SOX5: variants seen among roughly 807,000 people sequenced by gnomAD.
The protein encoded by SOX5 is transcription factor SOX-5.
In SOX5, 9 loss-of-function variants were observed where a neutral mutation model predicts 92.0. That is an observed-to-expected ratio of 0.10 (90% confidence interval 0.06 to 0.17). SOX5 has a LOEUF of 0.17. Ranked by LOEUF, SOX5 falls within the 10% of genes least tolerant of loss-of-function variation. The pLI, the probability that SOX5 is intolerant of heterozygous loss-of-function variation, is 1.00. For synonymous variants in SOX5, 344 were observed against 336.3 expected, an observed-to-expected ratio of 1.02 and a Z score of -0.25; for missense variants, 642 against 944.5, an observed-to-expected ratio of 0.68 and a Z score of 4.20.
chr12:23,741,035 A>G lies in SOX5; in HGVS notation c.573T>C (p.Thr191=). ...TTTCTTTCTCAGCTAAGCTCTCGGG[A>G]GTCCCTACAAATCATATAGCAATAA... ...GSGNFGEIKG[T]PESLAEKERQ... The change falls in exon 5 of 15, where the codon ACT becomes ACC. Residue 191 remains threonine (T), a synonymous_variant. Transcript: ENST00000451604. 6.3e-7 allele frequency: 1 copy of G among 1,589,348 alleles called. No individual in the cohort carries two copies. The highest frequency in any genetic ancestry group is 8.6e-7 in the Non-Finnish European group (1 of 1,165,420).
chr12:23,784,999 T>A (rs190723284), intron 3 of SOX5, among the ~76,000 whole-genome samples: 2 of 152,306 alleles, frequency 1.3e-5, no homozygotes, highest in East Asian at 3.9e-4. Flanking sequence ...GGAGGGCCAC[T>A]TGAGCCTGGG....
chr12:23,803,010 T>C (rs966765141), intron 3 of SOX5, among the ~76,000 whole-genome samples: 1 of 152,190 alleles, frequency 6.6e-6, no homozygotes, highest in Non-Finnish European at 1.5e-5. Context: ...GAAATTATTA[T>C]TTCCTTGTTT....
chr12:24,008,450 T>C (rs1952560717), intron 4 of SOX5, among the ~76,000 whole-genome samples: 1 of 152,090 alleles, frequency 6.6e-6, no homozygotes, highest in Admixed American at 6.6e-5. Context: ...GTCAGTGGAA[T>C]TCAATTACCA....
At chr12:23,755,333 T>C (rs1418801271) in intron 4 of SOX5, among the ~76,000 whole-genome samples, 1 of 151,788 alleles carries the variant, frequency 6.6e-6, no homozygotes, top group Non-Finnish European at 1.5e-5. Flanking sequence ...ACATTCTTAC[T>C]TATAAAATAA....
intron 8 of SOX5, among the ~76,000 whole-genome samples, chr12:23,614,080 C>G (rs2076274245): frequency 6.6e-6 from 1 of 152,130 alleles, no homozygotes; most frequent in South Asian, 2.1e-4. Context: ...CCTAAATAGG[C>G]TCATCATCTT....
At position 23,967,964 on chromosome 12, in the gene SOX5, C is replaced by T. The variant is rs567743439; in HGVS notation, c.-1-71940G>A. Among the ~76,000 whole-genome samples the T allele has an allele frequency of 5.6e-4, 85 of 152,294 alleles. 1 individual carries two copies. The highest frequency in any genetic ancestry group is 1.6e-3 in the Admixed American group (25 of 15,294). On this transcript the variant is annotated intron_variant, in intron 4 of 4. Transcript: ENST00000446891. ...TAAATGCTTACTAAGTAGCAAAGCT[C>T]TATTACAAAGCACTTTGAATGCAGT...
At chr12:24,364,579 T>C (rs1955976679) in intron 2 of SOX5, among the ~76,000 whole-genome samples, 4 of 147,326 alleles carry the variant, frequency 2.7e-5, no homozygotes, top group Admixed American at 2.0e-4. Flanking sequence ...TTTACATAAG[T>C]GAGAAATTCA....
intron 4 of SOX5, among the ~76,000 whole-genome samples, chr12:24,100,528 C>G (rs1411222887): frequency 1.3e-5 from 2 of 151,994 alleles, no homozygotes; most frequent in Non-Finnish European, 2.9e-5. Context: ...AGGTGATTGC[C>G]TCAAATTGTT....
intron 8 of SOX5, among the ~76,000 whole-genome samples, chr12:23,609,162 A>G (rs1196544856): frequency 6.6e-6 from 1 of 152,192 alleles, no homozygotes; most frequent in East Asian, 1.9e-4. Flanking sequence ...AGGGAAATAT[A>G]GAGATTGGTG....
At chr12:24,384,105 C>A (rs1226418572) in intron 1 of SOX5, among the ~76,000 whole-genome samples, 2 of 152,172 alleles carry the variant, frequency 1.3e-5, no homozygotes, top group African/African-American at 4.8e-5. Flanking sequence ...GCCTCTCCAG[C>A]CATGCAGAGC....
At chr12:23,691,589 A>G (rs1162811799) in intron 6 of SOX5, among the ~76,000 whole-genome samples, 1 of 152,150 alleles carries the variant, frequency 6.6e-6, no homozygotes, top group Admixed American at 6.5e-5. Context: ...CACTTTTCTA[A>G]TTGAACAGTT....
intron 3 of SOX5, among the ~76,000 whole-genome samples, chr12:23,822,298 T>A (rs1340379636): frequency 6.6e-6 from 1 of 152,220 alleles, no homozygotes; most frequent in East Asian, 1.9e-4. Context: ...GCTTTAGCTG[T>A]GTCCCAGAGA....
chr12:23,973,679 C>T (rs1333523038), intron 4 of SOX5, among the ~76,000 whole-genome samples: 1 of 152,122 alleles, frequency 6.6e-6, no homozygotes, highest in South Asian at 2.1e-4. Context: ...ACCAGGGGTC[C>T]CCAGTCTCCA....
intron 4 of SOX5, among the ~76,000 whole-genome samples, chr12:24,093,758 A>G (rs1416089355): frequency 6.7e-6 from 1 of 149,370 alleles, no homozygotes; most frequent in African/African-American, 2.5e-5. Flanking sequence ...GGGAGCTGAT[A>G]TGCTGGTCCT....
At chr12:24,338,716 T>C (rs1952199862) in intron 2 of SOX5, among the ~76,000 whole-genome samples, 3 of 152,146 alleles carry the variant, frequency 2.0e-5, no homozygotes, top group Admixed American at 1.3e-4. Context: ...TTCCCTGTGC[T>C]GTTCTCCTGA....
At chr12:23,979,935 A>AGACG (rs1949396434) in intron 4 of SOX5, among the ~76,000 whole-genome samples, 1 of 129,174 alleles carries the variant, frequency 7.7e-6, no homozygotes, top group Non-Finnish European at 1.7e-5. Flanking sequence ...ACAGACAGAC[A>AGACG]GATAGATAGA....
chr12:24,244,221 C>A (rs897723915), intron 3 of SOX5, among the ~76,000 whole-genome samples: 1 of 152,052 alleles, frequency 6.6e-6, no homozygotes, highest in African/African-American at 2.4e-5. Context: ...AGAGTAGATC[C>A]GCTTAAACAA....
intron 6 of SOX5, among the ~76,000 whole-genome samples, chr12:23,673,846 T>C (rs1159192845): frequency 2.0e-5 from 3 of 152,106 alleles, no homozygotes; most frequent in Non-Finnish European, 4.4e-5. Context: ...GTAGTGATGG[T>C]TGCAAACCAT....
chr12:23,907,597 G>A (rs569513544), intron 1 of SOX5, among the ~76,000 whole-genome samples: 1 of 152,008 alleles, frequency 6.6e-6, no homozygotes, highest in South Asian at 2.1e-4. Context: ...CCTTATGAGA[G>A]TGTTTTAATG....
Sources: gnomAD v4.1 joint callset for allele counts (sites outside exome capture counted in the v4.1 genomes callset) on GRCh38, gnomAD v4.1.1 for gene constraint, MANE v1.5 for transcripts, NCBI Gene and HGNC (gene_info 2026-07-23, HGNC 2026-07-21) for gene names.